SPOCK3: variants seen among roughly 807,000 people sequenced by gnomAD.
The protein encoded by SPOCK3 is SPARC (osteonectin), cwcv and kazal like domains proteoglycan 3.
Under a neutral mutation model 56.6 loss-of-function variants are expected in SPOCK3, and 30 were observed. That is an observed-to-expected ratio of 0.53 (90% CI 0.40 to 0.72). The LOEUF is 0.72. SPOCK3 is among the 30% of genes least tolerant of loss of function. The pLI is 0.00. For synonymous variants in SPOCK3, 196 were observed against 183.3 expected (o/e 1.07, Z -0.56); for missense variants, 527 against 530.0 (o/e 0.99, Z 0.06).
chr4:167,002,120 A>C (rs1483687040), intron 3 of SPOCK3, among the ~76,000 whole-genome samples: 1 of 151,738 alleles, frequency 6.6e-6, no homozygotes, highest in African/African-American at 2.4e-5. Flanking sequence ...CACCATGCCC[A>C]GATAATTTTT....
intron 8 of SPOCK3, among the ~76,000 whole-genome samples, chr4:166,742,274 T>TATC (rs1553961217): frequency 6.6e-6 from 1 of 151,564 alleles, no homozygotes; most frequent in African/African-American, 2.4e-5. Flanking sequence ...TCTATCTATC[T>TATC]ATCTAATATC....
At chr4:166,999,571 T>C (rs1361280995) in intron 4 of SPOCK3, among the ~76,000 whole-genome samples, 1 of 152,102 alleles carries the variant, frequency 6.6e-6, no homozygotes, top group Non-Finnish European at 1.5e-5. Context: ...TTAAAAGCAA[T>C]ACATAAGTCC....
intron 8 of SPOCK3, among the ~76,000 whole-genome samples, chr4:166,751,024 G>A (rs565686777): frequency 7.5e-6 from 1 of 134,048 alleles, no homozygotes; most frequent in East Asian, 2.2e-4. Context: ...GTGCCCTGAA[G>A]TTTTACAACA....
At chr4:166,744,371 A>G (rs1735282677) in intron 8 of SPOCK3, among the ~76,000 whole-genome samples, 1 of 152,210 alleles carries the variant, frequency 6.6e-6, no homozygotes, top group South Asian at 2.1e-4. Context: ...AGAAAACTCC[A>G]ACAAACCTGC....
intron 2 of SPOCK3, among the ~76,000 whole-genome samples, chr4:167,205,325 TA>T (rs1561321303): frequency 1.8e-4 from 7 of 39,260 alleles, no homozygotes; most frequent in African/African-American, 6.7e-4. Flanking sequence ...TTTATATATA[TA>T]ATATATATTA....
chr4:166,908,733 A>C (rs527885608), intron 5 of SPOCK3, among the ~76,000 whole-genome samples: 12 of 152,182 alleles, frequency 7.9e-5, no homozygotes, highest in Non-Finnish European at 1.8e-4. Context: ...TTATTTATTG[A>C]CTTGTGCTCA....
chr4:167,101,996 C>T (rs1461975210), intron 2 of SPOCK3, among the ~76,000 whole-genome samples: 2 of 152,062 alleles, frequency 1.3e-5, no homozygotes, highest in East Asian at 3.9e-4. Flanking sequence ...CTGCACCTGG[C>T]CCTCTTACTT....
chr4:167,169,184 C>T (rs1022051388), intron 2 of SPOCK3, among the ~76,000 whole-genome samples: 59 of 152,150 alleles, frequency 3.9e-4, no homozygotes, highest in African/African-American at 1.4e-3. Context: ...TGAAGCCCCA[C>T]TGGGGCACTG....
intron 4 of SPOCK3, among the ~76,000 whole-genome samples, chr4:166,936,917 T>C (rs903823114): frequency 1.3e-5 from 2 of 152,146 alleles, no homozygotes; most frequent in African/African-American, 4.8e-5. Flanking sequence ...GATAATCTTA[T>C]TTTCATTCAG....
intron 4 of SPOCK3, among the ~76,000 whole-genome samples, chr4:166,934,352 G>A (rs1579702947): frequency 2.2e-5 from 3 of 135,058 alleles, no homozygotes; most frequent in East Asian, 2.3e-4. Flanking sequence ...AAAAAAATTC[G>A]TCAGGTGTGG....
intron 2 of SPOCK3, among the ~76,000 whole-genome samples, chr4:167,140,502 T>C (rs530601341): frequency 2.4e-4 from 36 of 152,104 alleles, no homozygotes; most frequent in East Asian, 3.9e-4. Flanking sequence ...AGGGAACTTA[T>C]CTGCCTGAAG....
chr4:166,764,655 T>C (rs1479334207), intron 7 of SPOCK3, among the ~76,000 whole-genome samples: 1 of 152,164 alleles, frequency 6.6e-6, no homozygotes, highest in Non-Finnish European at 1.5e-5. Context: ...AACATACATG[T>C]GCATGTGCCT....
chr4:167,205,335 T>C (rs1451717921), intron 2 of SPOCK3, among the ~76,000 whole-genome samples: 2 of 42,784 alleles, frequency 4.7e-5, no homozygotes, highest in African/African-American at 2.3e-4. Context: ...TAATATATAT[T>C]ATATATTATA....
chr4:166,884,422 T>C (rs1733990242), intron 6 of SPOCK3, among the ~76,000 whole-genome samples: 1 of 151,962 alleles, frequency 6.6e-6, no homozygotes. Flanking sequence ...AGGATTGTAC[T>C]GATGAGTTGT....
At chr4:166,772,251 G>A (rs1407152691) in intron 7 of SPOCK3, among the ~76,000 whole-genome samples, 1 of 151,908 alleles carries the variant, frequency 6.6e-6, no homozygotes, top group Non-Finnish European at 1.5e-5. Context: ...TATGTCAAAT[G>A]AACAAAAAGT....
At chr4:167,061,786 G>A (rs1388990803) in intron 3 of SPOCK3, among the ~76,000 whole-genome samples, 2 of 151,798 alleles carry the variant, frequency 1.3e-5, no homozygotes, top group Admixed American at 1.3e-4. Flanking sequence ...CTACTTTGCA[G>A]AGACTACAGA....
At chr4:167,117,510 C>A (rs1307873024) in intron 2 of SPOCK3, among the ~76,000 whole-genome samples, 2 of 152,168 alleles carry the variant, frequency 1.3e-5, no homozygotes, top group Admixed American at 6.5e-5. Flanking sequence ...GGGAACCCCC[C>A]ACCCACGTAG....
At chr4:166,955,574 T>G in intron 4 of SPOCK3, among the ~76,000 whole-genome samples, 1 of 145,132 alleles carries the variant, frequency 6.9e-6, no homozygotes, top group East Asian at 2.0e-4. Context: ...AAATTTAATA[T>G]AATTAAATTA....
At chr4:167,108,322 G>A (rs1760354946) in intron 2 of SPOCK3, among the ~76,000 whole-genome samples, 1 of 151,810 alleles carries the variant, frequency 6.6e-6, no homozygotes, top group Non-Finnish European at 1.5e-5. Context: ...CCAAAAGAAA[G>A]GAAATCAGTA....
Sources: gnomAD v4.1 joint callset for allele counts (sites outside exome capture counted in the v4.1 genomes callset) on GRCh38, gnomAD v4.1.1 for gene constraint, MANE v1.5 for transcripts, NCBI Gene and HGNC (gene_info 2026-07-23, HGNC 2026-07-21) for gene names.